The following TMPRSS4 variants were observed in gnomAD, a reference collection of about 807,000 sequenced individuals.
TMPRSS4 encodes transmembrane serine protease 4, also known as transmembrane protease serine 4.
A neutral mutation model predicts 56.4 loss-of-function variants in TMPRSS4; 45 were observed. That is an observed-to-expected ratio of 0.80 (90% confidence interval 0.63 to 1.02). The LOEUF (loss-of-function observed/expected upper bound fraction) is 1.02. Among genes scored for constraint, TMPRSS4 ranks in the 50% least tolerant of loss-of-function variants. The pLI, the probability that TMPRSS4 is intolerant of heterozygous loss-of-function variation, is 0.00. For synonymous variants in TMPRSS4, 205 were observed against 211.0 expected, an observed-to-expected ratio of 0.97 and a Z score of 0.25; for missense variants, 546 against 556.7, an observed-to-expected ratio of 0.98 and a Z score of 0.19.
At chr11:118,097,528 G>A (rs1946475000) in intron 2 of TMPRSS4, among the ~76,000 whole-genome samples, 2 of 152,118 alleles carry the variant, frequency 1.3e-5, no homozygotes, top group South Asian at 2.1e-4. Context: ...AAGTCCCCAT[G>A]GCACCTCCCC....
intron 1 of TMPRSS4, among the ~76,000 whole-genome samples, chr11:118,084,947 G>A (rs1945428682): frequency 6.6e-6 from 1 of 152,246 alleles, no homozygotes; most frequent in Admixed American, 6.5e-5. Flanking sequence ...TCTGATCAAG[G>A]CAGCTGAGAC....
intron 11 of TMPRSS4, among the ~76,000 whole-genome samples, chr11:118,116,735 A>G (rs1298723537): frequency 6.5e-5 from 5 of 77,442 alleles, no homozygotes; most frequent in East Asian, 3.7e-4. Context: ...TTTTTTTGAG[A>G]CTGAGTCTCA....
intron 1 of TMPRSS4, among the ~76,000 whole-genome samples, chr11:118,091,004 GC>G (rs1422396034): frequency 6.6e-6 from 1 of 152,080 alleles, no homozygotes; most frequent in Non-Finnish European, 1.5e-5. Context: ...AAAGAAACTT[GC>G]CCTACCTACC....
Position 118,119,410 on chromosome 11 carries a change from C to A in TMPRSS4, c.*1497C>A. 2 of 946,638 alleles carry A rather than the reference C, an allele frequency of 2.1e-6. No individual in the cohort carries two copies. Among genetic ancestry groups the A allele is most frequent in the Non-Finnish European group, 2.5e-6 (2 of 794,728 alleles). 58.6% of individuals were successfully genotyped at this position (946,638 alleles called of 1,614,324 possible). On this transcript the variant is annotated 3_prime_UTR_variant, in exon 13 of 13. Transcript: ENST00000437212. ...GAGCCTCAGGATTCCCAAAGATCCT[C>A]CAAATATGAGCTCACAATCAAAGAT... is the stretch of plus-strand genomic sequence containing the variant.
intron 2 of TMPRSS4, chr11:118,095,155 T>C (rs1035989989): frequency 7.6e-6 from 3 of 394,174 alleles, no homozygotes; most frequent in Non-Finnish European, 1.4e-5. Context: ...GTACCTGCCA[T>C]GTGCCAGGCC....
chr11:118,095,950 G>T (rs999220626), intron 2 of TMPRSS4, among the ~76,000 whole-genome samples: 31 of 152,184 alleles, frequency 2.0e-4, no homozygotes, highest in African/African-American at 3.6e-4. Context: ...CTTAAACTAG[G>T]TATGAAAGCT....
At chr11:118,109,043 T>G (rs1947143722) in intron 7 of TMPRSS4, 147 bp downstream of exon 7, 8 of 799,632 alleles carry the variant, frequency 1.0e-5, no homozygotes, top group Admixed American at 8.3e-5. Context: ...CAATGCCCCC[T>G]CGAGTTGTTG....
downstream of TMPRSS4, among the ~76,000 whole-genome samples, chr11:118,124,913 G>A (rs137964289): frequency 2.4e-4 from 37 of 152,254 alleles, no homozygotes; most frequent in African/African-American, 7.2e-4. Context: ...CCATCTTCCC[G>A]CCTCTAGGCT....
chr11:118,122,710 G>A (rs1947819461), downstream of TMPRSS4, among the ~76,000 whole-genome samples: 2 of 152,154 alleles, frequency 1.3e-5, no homozygotes, highest in Non-Finnish European at 2.9e-5. Context: ...TGAATGACAG[G>A]AAGCCATCAT....
downstream of TMPRSS4, among the ~76,000 whole-genome samples, chr11:118,122,079 T>C (rs1947807775): frequency 6.7e-6 from 1 of 150,344 alleles, no homozygotes; most frequent in African/African-American, 2.5e-5. Flanking sequence ...AACAAATACA[T>C]CAAGCAAGTA....
chr11:118,078,800 G>A (rs1351508631), intron 1 of TMPRSS4, among the ~76,000 whole-genome samples: 7 of 152,234 alleles, frequency 4.6e-5, no homozygotes, highest in Non-Finnish European at 1.0e-4. Context: ...CTGTCTTGAG[G>A]CATTCATCTT....
chr11:118,079,643 C>T (rs969756925), intron 1 of TMPRSS4, among the ~76,000 whole-genome samples: 15 of 152,246 alleles, frequency 9.9e-5, no homozygotes, highest in African/African-American at 3.6e-4. Flanking sequence ...GGTCAACCCC[C>T]TGACGCTTCC....
At chr11:118,086,378 G>A (rs1403550115) in intron 1 of TMPRSS4, among the ~76,000 whole-genome samples, 1 of 152,226 alleles carries the variant, frequency 6.6e-6, no homozygotes, top group Non-Finnish European at 1.5e-5. Flanking sequence ...ATTGCCAATA[G>A]GTCAGCACCT....
intron 1 of TMPRSS4, among the ~76,000 whole-genome samples, chr11:118,085,218 T>A (rs372777840): frequency 4.2e-5 from 5 of 120,026 alleles, no homozygotes; most frequent in African/African-American, 1.4e-4. Context: ...GAGTCAGATC[T>A]TCTTCTTCTT....
intron 1 of TMPRSS4, among the ~76,000 whole-genome samples, chr11:118,088,812 T>A (rs1945761533): frequency 6.6e-6 from 1 of 152,224 alleles, no homozygotes. Flanking sequence ...AGGAAGCACA[T>A]GTGTTGTTTG....
chr11:118,113,846 C>T (rs796328459), intron 9 of TMPRSS4, among the ~76,000 whole-genome samples: 1 of 152,212 alleles, frequency 6.6e-6, no homozygotes, highest in Admixed American at 6.5e-5. Flanking sequence ...GCAGGGAACC[C>T]ATTACCTGTG....
intron 1 of TMPRSS4, among the ~76,000 whole-genome samples, chr11:118,091,928 G>A (rs553911389): frequency 6.6e-6 from 1 of 152,206 alleles, no homozygotes; most frequent in East Asian, 1.9e-4. Context: ...AGAGACGGCC[G>A]GGAATGAACT....
Position 118,118,736 on chromosome 11 carries a change from T to A in TMPRSS4, c.*823T>A, listed in dbSNP as rs1273315868. 1.0e-6 allele frequency: 1 copy of A among 985,556 alleles called. No homozygotes were observed. The highest frequency in any genetic ancestry group is 1.7e-5 in the African/African-American group (1 of 57,334). The allele number at this position is 985,556 out of a possible 1,614,324, so 61.1% of individuals were successfully genotyped here. A position where few individuals can be genotyped will look rare whatever the true frequency, so the allele number is the denominator to read the frequency against. On this transcript the variant is annotated 3_prime_UTR_variant, in exon 13 of 13. Coordinates refer to ENST00000437212, the MANE Select transcript of TMPRSS4 (RefSeq NM_019894.4). ...AATCAGCCAGGAGCCAGGGATAACC[T>A]ATGACTTGGGAAAGAGATGAGTTAG...
intron 12 of TMPRSS4, 31 bp from the exon 13 acceptor site, chr11:118,117,871 A>G: frequency 1.2e-6 from 2 of 1,613,992 alleles, no homozygotes; most frequent in South Asian, 2.2e-5. Flanking sequence ...AGATAATCTG[A>G]CTTTCTCTTC....
Sources: gnomAD v4.1 joint callset for allele counts (sites outside exome capture counted in the v4.1 genomes callset) on GRCh38, gnomAD v4.1.1 for gene constraint, MANE v1.5 for transcripts, NCBI Gene and HGNC (gene_info 2026-07-23, HGNC 2026-07-21) for gene names.